Variants in ARIH1 observed in about 807,000 individuals in gnomAD.
ARIH1 encodes the protein ariadne RBR E3 ubiquitin protein ligase 1.
A neutral mutation model predicts 85.0 loss-of-function variants in ARIH1; 8 were observed. The observed-to-expected ratio is 0.09, with a 90% confidence interval of 0.06 to 0.17. The LOEUF is 0.17. Ranked by LOEUF, ARIH1 falls within the 10% of genes least tolerant of loss-of-function variation. The probability of loss-of-function intolerance (pLI) is 1.00; values close to 1 mark genes in which losing one functional copy is unlikely to be tolerated. For synonymous variants in ARIH1, 238 were observed against 253.6 expected (o/e 0.94, Z 0.59); for missense variants, 311 against 718.1 (o/e 0.43, Z 6.48).
chr15:72,568,042 A>T (rs988509978), intron 9 of ARIH1, among the ~76,000 whole-genome samples: 3 of 152,228 alleles, frequency 2.0e-5, no homozygotes, highest in African/African-American at 7.2e-5. Context: ...CTTATATATA[A>T]AACATGAATT....
At chr15:72,547,037 C>G (rs2064132641) in intron 3 of ARIH1, among the ~76,000 whole-genome samples, 1 of 151,828 alleles carries the variant, frequency 6.6e-6, no homozygotes. Flanking sequence ...ATGCCATTCG[C>G]CTGCCTCAGC....
At position 72,474,625 on chromosome 15, in the gene ARIH1, C is replaced by T. The variant is rs752310009; in HGVS notation, c.-15C>T. ...CGCCTCGGCCAGCGTCCGCCGGGCC[C>T]CCGCGCGTCGCGCCATGGACTCGGA... On this transcript the variant is annotated 5_prime_UTR_variant, in exon 1 of 14. Transcript: ENST00000379887. The T allele has an allele frequency of 2.6e-6, 4 of 1,510,474 alleles. No homozygotes were observed. Among genetic ancestry groups the T allele is most frequent in the South Asian group, 2.5e-5 (2 of 81,038 alleles). 93.6% of individuals were successfully genotyped at this position (1,510,474 alleles called of 1,614,324 possible).
At chr15:72,527,041 A>G (rs1437287568) in intron 2 of ARIH1, among the ~76,000 whole-genome samples, 1 of 152,082 alleles carries the variant, frequency 6.6e-6, no homozygotes, top group Non-Finnish European at 1.5e-5. Flanking sequence ...TTTTGATACT[A>G]TCATGATTTT....
chr15:72,535,216 G>C (rs2064076766), intron 2 of ARIH1, among the ~76,000 whole-genome samples: 1 of 151,930 alleles, frequency 6.6e-6, no homozygotes, highest in Non-Finnish European at 1.5e-5. Flanking sequence ...CTCCCAAAGT[G>C]CTGGGATTAC....
At chr15:72,493,158 T>C (rs1010604962) in intron 1 of ARIH1, among the ~76,000 whole-genome samples, 2 of 152,208 alleles carry the variant, frequency 1.3e-5, no homozygotes, top group Non-Finnish European at 2.9e-5. Flanking sequence ...GCTTTTTACC[T>C]GAACCTACCT....
At chr15:72,576,587 G>T (rs1183443903) in intron 11 of ARIH1, among the ~76,000 whole-genome samples, 1 of 150,958 alleles carries the variant, frequency 6.6e-6, no homozygotes, top group Non-Finnish European at 1.5e-5. Flanking sequence ...TGCAAATCAG[G>T]TATTGGAAAT....
Position 72,585,989 on chromosome 15 carries a change from T to G in ARIH1, c.*2697T>G, listed in dbSNP as rs2064314888. On this transcript the variant is annotated 3_prime_UTR_variant, in exon 14 of 14. Coordinates refer to ENST00000379887, the MANE Select transcript of ARIH1 (RefSeq NM_005744.5). The stretch of plus-strand genomic sequence containing the variant: ...CATTGTCTTTTGAAAAGTGCATGCT[T>G]CATTTGAACAATTCATTCAGCAGCA... 6.6e-6 allele frequency: 1 copy of G among 152,168 alleles called. No individual in the cohort carries two copies. The highest frequency in any genetic ancestry group is 1.5e-5 in the Non-Finnish European group (1 of 68,024). The allele number at this position is 152,168 out of a possible 1,614,324, so 9.4% of individuals were successfully genotyped here. A position where few individuals can be genotyped will look rare whatever the true frequency, so the allele number is the denominator to read the frequency against.
At chr15:72,513,137 T>C (rs1302248179) in intron 1 of ARIH1, among the ~76,000 whole-genome samples, 1 of 152,198 alleles carries the variant, frequency 6.6e-6, no homozygotes, top group Non-Finnish European at 1.5e-5. Flanking sequence ...TTTTAAATGG[T>C]TTGTTTTGAA....
intron 1 of ARIH1, among the ~76,000 whole-genome samples, chr15:72,506,373 A>AAAAAAGAAAAAG (rs1567342019): frequency 3.3e-5 from 5 of 150,342 alleles, no homozygotes; most frequent in African/African-American, 9.7e-5. Flanking sequence ...AAAGAAAAAA[A>AAAAAAGAAAAAG]AAAAGAACTT....
chr15:72,533,000 A>G (rs573720030), intron 2 of ARIH1, among the ~76,000 whole-genome samples: 2 of 152,256 alleles, frequency 1.3e-5, no homozygotes, highest in Non-Finnish European at 2.9e-5. Context: ...TCCCTTTTAG[A>G]TGGGAGTTCA....
At chr15:72,551,072 T>C (rs1326554077) in intron 3 of ARIH1, among the ~76,000 whole-genome samples, 3 of 152,198 alleles carry the variant, frequency 2.0e-5, no homozygotes, top group Non-Finnish European at 4.4e-5. Context: ...TTGTATCTAA[T>C]ATCATAAGTA....
chr15:72,518,209 A>ATTCCCTTACTTGATTCTT, intron 2 of ARIH1, 75 bp downstream of exon 2: 1 of 1,294,224 alleles, frequency 7.7e-7, no homozygotes, highest in Non-Finnish European at 1.1e-6. Context: ...ACAAGAATCA[A>ATTCCCTTACTTGATTCTT]GTAAGGGAAT....
Position 72,583,339 on chromosome 15 carries a change from T to G in ARIH1, c.*47T>G. ...ACTCTGAAAACTTTACCATCTAGAG[T>G]GCTCATGCAATTAAAACAAAACAAA... On this transcript the variant is annotated 3_prime_UTR_variant, in exon 14 of 14. Transcript: ENST00000379887. The G allele has an allele frequency of 6.7e-7, 1 of 1,487,480 alleles. No homozygotes were observed. Among genetic ancestry groups the G allele is most frequent in the Non-Finnish European group, 9.3e-7 (1 of 1,072,448 alleles). The allele number at this position is 1,487,480 out of a possible 1,614,324, so 92.1% of individuals were successfully genotyped here. A position where few individuals can be genotyped will look rare whatever the true frequency, so the allele number is the denominator to read the frequency against.
Position 72,484,029 on chromosome 15 carries a change from C to T in ARIH1, c.375+9015C>T, listed in dbSNP as rs1257055829. On this transcript the variant is annotated intron_variant, in intron 1 of 13. Coordinates refer to ENST00000379887, the MANE Select transcript of ARIH1 (RefSeq NM_005744.5). ...CTACTAAAAAAATACAAAAATTAGC[C>T]GGGCATGGTGGTGGGCGCCTGTAAT... Among the ~76,000 whole-genome samples, 4 of 151,600 alleles carry T rather than the reference C, an allele frequency of 2.6e-5. No homozygotes were observed. In the South Asian group the frequency reaches 6.2e-4, roughly 24 times the overall value.
chr15:72,541,512 G>A (rs1413702331), intron 2 of ARIH1, among the ~76,000 whole-genome samples: 1 of 151,994 alleles, frequency 6.6e-6, no homozygotes, highest in African/African-American at 2.4e-5. Flanking sequence ...TGTAGTAAAA[G>A]TTCCAAGAGG....
rs1021325330 is a variant in ARIH1, at chr15:72,602,129, C to T, written c.*18837C>T. ...GCATTGGTTATTACAAATAATGCTG[C>T]ATTGAATACCTTTGTATGTAAAGTC... On this transcript the variant is annotated 3_prime_UTR_variant, in exon 14 of 14. Coordinates refer to ENST00000379887, the MANE Select transcript of ARIH1 (RefSeq NM_005744.5). The T allele has an allele frequency of 6.6e-5, 10 of 152,272 alleles. No individual in the cohort carries two copies. The highest frequency in any genetic ancestry group is 1.0e-4 in the Non-Finnish European group (7 of 68,004). 9.4% of individuals were successfully genotyped at this position (152,272 alleles called of 1,614,324 possible).
chr15:72,489,565 C>T (rs2063850978), intron 1 of ARIH1, among the ~76,000 whole-genome samples: 1 of 152,154 alleles, frequency 6.6e-6, no homozygotes, highest in South Asian at 2.1e-4. Context: ...GTCTTTATTC[C>T]TTAAGGACAC....
At chr15:72,538,248 C>G (rs2064091507) in intron 2 of ARIH1, among the ~76,000 whole-genome samples, 1 of 152,130 alleles carries the variant, frequency 6.6e-6, no homozygotes. Context: ...CATCCGTAAT[C>G]CGCTACTCCA....
At chr15:72,562,882 G>A (rs375535470) in intron 6 of ARIH1, among the ~76,000 whole-genome samples, 16 of 131,710 alleles carry the variant, frequency 1.2e-4, no homozygotes, top group African/African-American at 4.2e-4. Context: ...AGGTCTTCAG[G>A]GATCAGTCAT....
Sources: allele counts gnomAD v4.1 joint callset (sites outside exome capture counted in the v4.1 genomes callset), GRCh38; gene constraint gnomAD v4.1.1; transcripts MANE v1.5; gene names NCBI Gene and HGNC (gene_info 2026-07-23, HGNC 2026-07-21).